Variants in LPAR1 observed in about 807,000 individuals in gnomAD.
LPAR1 encodes the protein LPA receptor 1.
In LPAR1, 5 loss-of-function variants were observed where a neutral mutation model predicts 23.8. The ratio of observed to expected loss-of-function variants is 0.21; its 90% CI spans 0.11 to 0.44. The LOEUF (loss-of-function observed/expected upper bound fraction) is 0.44, where lower values mean the gene tolerates loss of function less well. Among genes scored for constraint, LPAR1 ranks in the 20% least tolerant of loss-of-function variants. LPAR1 has a pLI of 0.99. For synonymous variants in LPAR1, 160 were observed against 164.7 expected (o/e 0.97, Z 0.22); for missense variants, 311 against 482.8 (o/e 0.64, Z 3.33).
intron 2 of LPAR1, among the ~76,000 whole-genome samples, chr9:111,018,512 T>G (rs2140975325): frequency 6.6e-6 from 1 of 152,300 alleles, no homozygotes; most frequent in African/African-American, 2.4e-5. Context: ...TACTGCATAC[T>G]ATTAAGAGAA....
At chr9:110,933,519 A>C (rs1300237040) in intron 5 of LPAR1, among the ~76,000 whole-genome samples, 1 of 152,198 alleles carries the variant, frequency 6.6e-6, no homozygotes, top group Admixed American at 6.5e-5. Flanking sequence ...CAAGACTCAG[A>C]GAGGTTAAGT....
intron 2 of LPAR1, among the ~76,000 whole-genome samples, chr9:110,991,795 G>C (rs1266670891): frequency 1.3e-5 from 2 of 152,140 alleles, no homozygotes; most frequent in East Asian, 3.9e-4. Flanking sequence ...GTTTCTCCAT[G>C]TTGGTCAGGC....
At chr9:110,945,218 C>A (rs1382967730) in intron 4 of LPAR1, among the ~76,000 whole-genome samples, 1 of 152,096 alleles carries the variant, frequency 6.6e-6, no homozygotes, top group Non-Finnish European at 1.5e-5. Context: ...TCTTCAGGAG[C>A]CGACAGACTT....
chr9:110,924,238 C>A (rs201334719), intron 5 of LPAR1, among the ~76,000 whole-genome samples: 137 of 143,906 alleles, frequency 9.5e-4, no homozygotes, highest in South Asian at 1.1e-3. Flanking sequence ...ATTATAATAG[C>A]AAAAAAAAAA....
chr9:110,996,136 C>T lies in LPAR1; in HGVS notation c.-181-22578G>A, dbSNP rs73657222. ...CCTGAAAGATGCTGTCCTACATGTC[C>T]AGAAAAACACAGTGGGATAGTCCAA... On this transcript the variant is annotated intron_variant, in intron 2 of 5. Coordinates refer to ENST00000683809, the MANE Select transcript of LPAR1 (RefSeq NM_001351411.2). Among the ~76,000 whole-genome samples, 1,453 of 152,166 alleles carry T rather than the reference C, an allele frequency of 9.5e-3. 21 individuals are homozygous for T. Among genetic ancestry groups the T allele is most frequent in the African/African-American group, 0.033 (1,357 of 41,524 alleles).
chr9:110,998,486 A>C (rs1234923218), intron 2 of LPAR1, among the ~76,000 whole-genome samples: 1 of 152,230 alleles, frequency 6.6e-6, no homozygotes, highest in Non-Finnish European at 1.5e-5. Context: ...AGTGCAAAAA[A>C]GAACTGAGGG....
At chr9:111,012,607 C>T (rs1036612360) in intron 2 of LPAR1, among the ~76,000 whole-genome samples, 5 of 151,976 alleles carry the variant, frequency 3.3e-5, no homozygotes, top group Non-Finnish European at 7.4e-5. Flanking sequence ...TCTTTCAGTT[C>T]CAGTCCAAGC....
intron 4 of LPAR1, among the ~76,000 whole-genome samples, chr9:110,952,265 C>T (rs1050911844): frequency 3.3e-5 from 5 of 152,100 alleles, no homozygotes; most frequent in Non-Finnish European, 7.4e-5. Context: ...ACAATCCCAC[C>T]AGACTCCAAT....
intron 5 of LPAR1, among the ~76,000 whole-genome samples, chr9:110,932,700 C>T (rs910808669): frequency 6.6e-6 from 1 of 152,254 alleles, no homozygotes; most frequent in African/African-American, 2.4e-5. Flanking sequence ...ATTAGATTCT[C>T]ATAGGAGTGT....
chr9:110,980,050 C>T (rs59763559), intron 2 of LPAR1, among the ~76,000 whole-genome samples: 40,849 of 151,904 alleles, frequency 0.27, 5,886 homozygotes, highest in African/African-American at 0.37. Context: ...TTCTACATGG[C>T]TCAGGTATGA....
chr9:110,914,867 G>C (rs932727607), intron 5 of LPAR1, among the ~76,000 whole-genome samples: 1 of 151,890 alleles, frequency 6.6e-6, no homozygotes, highest in Non-Finnish European at 1.5e-5. Context: ...TTTAGCTCTC[G>C]AGCTAAGACA....
chr9:111,013,758 C>A (rs910398992), intron 2 of LPAR1, among the ~76,000 whole-genome samples: 2 of 152,054 alleles, frequency 1.3e-5, no homozygotes, highest in East Asian at 3.9e-4. Context: ...CTGGAAGAAA[C>A]CTTAAAGGTT....
intron 2 of LPAR1, among the ~76,000 whole-genome samples, chr9:111,027,057 G>C (rs1426176338): frequency 6.6e-6 from 1 of 152,158 alleles, no homozygotes; most frequent in Non-Finnish European, 1.5e-5. Context: ...GGACTAGGGA[G>C]GAGTCCCTCT....
intron 5 of LPAR1, among the ~76,000 whole-genome samples, chr9:110,918,521 G>A (rs1431854228): frequency 6.6e-6 from 1 of 152,130 alleles, no homozygotes; most frequent in Non-Finnish European, 1.5e-5. Flanking sequence ...GTGTTTCCAT[G>A]CCACTGTGTT....
At chr9:110,971,749 C>T (rs1416530205) in intron 4 of LPAR1, among the ~76,000 whole-genome samples, 1 of 64,222 alleles carries the variant, frequency 1.6e-5, no homozygotes, top group Non-Finnish European at 4.0e-5. Flanking sequence ...CACAAAAAAG[C>T]CAAGAGAGGA....
rs760369860 is a variant in LPAR1, at chr9:110,875,736, G to A, written c.794-14C>T. ...TGATAAAGGCCCCTACAAGGACAAG[G>A]ATAGGGATCAGAAGGATTTTTAAAA... is the stretch of plus-strand genomic sequence containing the variant. On this transcript the variant is annotated splice_polypyrimidine_tract_variant and intron_variant, in intron 5 of 5. Coordinates refer to ENST00000683809, the MANE Select transcript of LPAR1 (RefSeq NM_001351411.2). 6 of 1,486,510 alleles carry A rather than the reference G, an allele frequency of 4.0e-6. No homozygotes were observed. The African/African-American group carries it at 5.6e-5, about 14-fold the overall frequency. 92.1% of individuals were successfully genotyped at this position (1,486,510 alleles called of 1,614,324 possible). A position where few individuals can be genotyped will look rare whatever the true frequency, so the allele number is the denominator to read the frequency against.
intron 2 of LPAR1, among the ~76,000 whole-genome samples, chr9:110,995,485 C>T (rs1448993920): frequency 6.6e-6 from 1 of 152,140 alleles, no homozygotes; most frequent in African/African-American, 2.4e-5. Flanking sequence ...CAGCATATTA[C>T]CATTCTTCCT....
chr9:110,995,349 T>C (rs1172517460), intron 2 of LPAR1, among the ~76,000 whole-genome samples: 2 of 152,156 alleles, frequency 1.3e-5, no homozygotes, highest in Non-Finnish European at 2.9e-5. Context: ...TCTAGACTTA[T>C]ACATCCTGCC....
At chr9:110,953,396 G>A (rs2095632491) in intron 4 of LPAR1, among the ~76,000 whole-genome samples, 1 of 152,174 alleles carries the variant, frequency 6.6e-6, no homozygotes, top group African/African-American at 2.4e-5. Flanking sequence ...GGGCGTAGTG[G>A]CTCATGCCTG....
Sources: gnomAD v4.1 joint callset for allele counts (sites outside exome capture counted in the v4.1 genomes callset) on GRCh38, gnomAD v4.1.1 for gene constraint, MANE v1.5 for transcripts, NCBI Gene and HGNC (gene_info 2026-07-23, HGNC 2026-07-21) for gene names.